The following NPHP1 variants were observed in gnomAD, a reference collection of about 807,000 sequenced individuals.
The protein encoded by NPHP1 is nephrocystin 1.
In NPHP1, 70 loss-of-function variants were observed where a neutral mutation model predicts 90.4. The ratio of observed to expected loss-of-function variants is 0.77; its 90% CI spans 0.64 to 0.95. NPHP1 has a LOEUF of 0.95. Ranked by LOEUF, NPHP1 falls within the 40% of genes least tolerant of loss-of-function variation. NPHP1 has a pLI of 0.00. For missense variants in NPHP1, 764 were observed against 795.9 expected (o/e 0.96, Z 0.48); for synonymous variants, 256 against 271.7 (o/e 0.94, Z 0.57).
intron 2 of NPHP1, among the ~76,000 whole-genome samples, chr2:110,192,271 C>T (rs921196647): frequency 1.3e-5 from 2 of 152,050 alleles, no homozygotes; most frequent in African/African-American, 2.4e-5. Flanking sequence ...AAAGATTAGA[C>T]GAATGGCTAA....
chr2:110,193,667 T>C (rs1332114442), intron 2 of NPHP1, among the ~76,000 whole-genome samples: 1 of 152,154 alleles, frequency 6.6e-6, no homozygotes, highest in Non-Finnish European at 1.5e-5. Context: ...CTAATAGACA[T>C]CTACAGAACT....
At chr2:110,183,052 G>A (rs1433063064) in intron 2 of NPHP1, among the ~76,000 whole-genome samples, 1 of 152,102 alleles carries the variant, frequency 6.6e-6, no homozygotes, top group Non-Finnish European at 1.5e-5. Flanking sequence ...ACAAAGAAGG[G>A]CATTACACAA....
At chr2:110,183,032 T>C (rs919010008) in intron 2 of NPHP1, among the ~76,000 whole-genome samples, 4 of 151,554 alleles carry the variant, frequency 2.6e-5, no homozygotes, top group African/African-American at 9.7e-5. Context: ...CCAATAAAGA[T>C]AAAAAAAAGA....
chr2:110,180,383 T>C (rs935381083), intron 2 of NPHP1, among the ~76,000 whole-genome samples: 3 of 151,936 alleles, frequency 2.0e-5, no homozygotes, highest in Admixed American at 2.0e-4. Context: ...ATGATGAGAT[T>C]TTTTTAATTC....
intron 2 of NPHP1, among the ~76,000 whole-genome samples, chr2:110,196,522 T>C (rs1225396599): frequency 6.6e-6 from 1 of 152,102 alleles, no homozygotes; most frequent in East Asian, 1.9e-4. Context: ...CTGGAGAGGA[T>C]GTGGAGAAAT....
In NPHP1 at chr2:110,196,928, C is replaced by T. The variant is rs144949522; in HGVS notation, c.143+4493G>A. ...GACAGAAAACCAAACACTGCATGTTCTCATAGAATACTGTGCAGCCATAAA... is the reference window on the plus strand; with the variant it reads ...GACAGAAAACCAAACACTGCATGTTTTCATAGAATACTGTGCAGCCATAAA... On this transcript the variant is annotated intron_variant, in intron 2 of 19. Coordinates refer to ENST00000445609, the MANE Select transcript of NPHP1 (RefSeq NM_001128178.3). 9.6e-3 allele frequency among the ~76,000 whole-genome samples: 1,458 copies of T among 152,230 alleles called. 102 individuals carry two copies. Among genetic ancestry groups the T allele is most frequent in the Admixed American group, 0.08 (1,228 of 15,296 alleles).
intron 14 of NPHP1, 95 bp downstream of exon 14, chr2:110,146,658 T>C (rs1681071452): frequency 2.2e-6 from 2 of 900,266 alleles, no homozygotes; most frequent in South Asian, 1.3e-5. Context: ...CCAAAAGTTA[T>C]TGGCATGCTC....
At chr2:110,161,437 A>G (rs531785191) in intron 10 of NPHP1, among the ~76,000 whole-genome samples, 166 bp downstream of exon 10, 14 of 152,292 alleles carry the variant, frequency 9.2e-5, no homozygotes, top group Non-Finnish European at 1.9e-4. Context: ...CAAGGTAGCA[A>G]GTCCAAATTC....
intron 16 of NPHP1, among the ~76,000 whole-genome samples, chr2:110,141,972 CAAAA>C (rs397934223): frequency 1.1e-5 from 1 of 94,270 alleles, no homozygotes. Flanking sequence ...GACTCTGTCT[CAAAA>C]AAAAAAAAAA....
intron 12 of NPHP1, among the ~76,000 whole-genome samples, chr2:110,149,579 G>A (rs1394561158): frequency 6.6e-6 from 1 of 152,174 alleles, no homozygotes; most frequent in East Asian, 1.9e-4. Context: ...GCAATAAGAG[G>A]AAAGGTAACT....
intron 2 of NPHP1, among the ~76,000 whole-genome samples, chr2:110,182,070 C>T (rs543906667): frequency 6.6e-6 from 1 of 151,678 alleles, no homozygotes; most frequent in South Asian, 2.1e-4. Flanking sequence ...TTAAGACAGG[C>T]GGACAAGAAT....
intron 18 of NPHP1, chr2:110,127,132 C>T (rs551962818): frequency 6.6e-6 from 1 of 152,328 alleles, no homozygotes; most frequent in South Asian, 2.1e-4. Flanking sequence ...GAAGCAAAGG[C>T]AGTGAAAGCC....
chr2:110,182,414 T>A (rs1386227292), intron 2 of NPHP1, among the ~76,000 whole-genome samples: 1 of 150,604 alleles, frequency 6.6e-6, no homozygotes, highest in Non-Finnish European at 1.5e-5. Flanking sequence ...AAAAGGAAGC[T>A]CATCAGACTA....
chr2:110,129,644 C>T (rs1299819209), intron 17 of NPHP1, among the ~76,000 whole-genome samples: 2 of 152,160 alleles, frequency 1.3e-5, no homozygotes, highest in African/African-American at 2.4e-5. Context: ...AACTAGGAAG[C>T]ATTGGGGGGA....
intron 2 of NPHP1, chr2:110,184,305 A>G: frequency 1.7e-6 from 1 of 599,880 alleles, no homozygotes; most frequent in Non-Finnish European, 3.2e-6. Flanking sequence ...CAAGGACTGG[A>G]ACGACATGGA....
chr2:110,173,151 G>A (rs1683276934), intron 4 of NPHP1, among the ~76,000 whole-genome samples: 1 of 151,592 alleles, frequency 6.6e-6, no homozygotes, highest in Non-Finnish European at 1.5e-5. Flanking sequence ...TAGAGATGGG[G>A]TTTCACCATG....
chr2:110,203,853 C>A (rs1341714425), intron 1 of NPHP1, among the ~76,000 whole-genome samples: 1 of 150,406 alleles, frequency 6.6e-6, no homozygotes, highest in African/African-American at 2.4e-5. Flanking sequence ...AGGCTAGTCT[C>A]GAACTCCTGG....
intron 16 of NPHP1, among the ~76,000 whole-genome samples, chr2:110,138,027 G>A (rs1468127444): frequency 3.3e-5 from 5 of 151,928 alleles, no homozygotes; most frequent in African/African-American, 1.2e-4. Flanking sequence ...CCTTTGTAGG[G>A]ACATGGATGA....
intron 12 of NPHP1, 100 bp from the exon 13 acceptor site, chr2:110,148,126 T>C (rs923209781): frequency 1.2e-6 from 1 of 815,856 alleles, no homozygotes; most frequent in African/African-American, 1.7e-5. Context: ...TCATGTTGAA[T>C]TGTAATCCCA....
Sources: gnomAD v4.1 joint callset for allele counts (sites outside exome capture counted in the v4.1 genomes callset) on GRCh38, gnomAD v4.1.1 for gene constraint, MANE v1.5 for transcripts, NCBI Gene and HGNC (gene_info 2026-07-23, HGNC 2026-07-21) for gene names.